SMC5: variants seen among roughly 807,000 people sequenced by gnomAD.
SMC5 encodes structural maintenance of chromosomes protein 5.
In SMC5, 88 loss-of-function variants were observed where a neutral mutation model predicts 148.3. That is an observed-to-expected ratio of 0.59 (90% CI 0.50 to 0.71). SMC5 has a LOEUF of 0.71. Ranked by LOEUF, SMC5 falls within the 30% of genes least tolerant of loss-of-function variation. The pLI is 0.00. For synonymous variants in SMC5, 421 were observed against 432.8 expected (o/e 0.97, Z 0.34); for missense variants, 1,142 against 1,298.9 (o/e 0.88, Z 1.86).
intron 7 of SMC5, among the ~76,000 whole-genome samples, chr9:70,283,758 G>T (rs780084459): frequency 6.6e-6 from 1 of 152,130 alleles, no homozygotes; most frequent in Non-Finnish European, 1.5e-5. Flanking sequence ...GCTATTGAAA[G>T]ATCATTTAGG....
In SMC5 at chr9:70,345,998, G is replaced by A. The variant is rs377379587; in HGVS notation, c.2524-607G>A. On this transcript the variant is annotated intron_variant, in intron 18 of 24. Coordinates refer to ENST00000361138, the MANE Select transcript of SMC5 (RefSeq NM_015110.4). ...GACTTGCTGATGGATTTGACATGAA[G>A]GATGAGAGAGAGAACCCCTAAATTT... Among the ~76,000 whole-genome samples, 3 of 152,148 alleles carry A rather than the reference G, an allele frequency of 2.0e-5. No individual in the cohort carries two copies. In the South Asian group the frequency reaches 6.2e-4, roughly 32 times the overall value.
chr9:70,319,391 C>G (rs2035891906), intron 15 of SMC5, among the ~76,000 whole-genome samples: 1 of 152,016 alleles, frequency 6.6e-6, no homozygotes. Flanking sequence ...TAGCTGTTTT[C>G]CAGACAAAAT....
At chr9:70,301,158 T>A (rs956731206) in intron 10 of SMC5, among the ~76,000 whole-genome samples, 4 of 152,164 alleles carry the variant, frequency 2.6e-5, no homozygotes, top group African/African-American at 7.2e-5. Context: ...CTGATGAGGA[T>A]TGAAAGAAAG....
At chr9:70,271,917 A>G (rs918259275) in intron 3 of SMC5, among the ~76,000 whole-genome samples, 3 of 152,248 alleles carry the variant, frequency 2.0e-5, no homozygotes, top group African/African-American at 7.2e-5. Flanking sequence ...TCAAGCCTGT[A>G]TTCATTGTAA....
chr9:70,266,381 G>C (rs1429063558), intron 2 of SMC5, among the ~76,000 whole-genome samples: 2 of 152,160 alleles, frequency 1.3e-5, no homozygotes, highest in Non-Finnish European at 2.9e-5. Flanking sequence ...AAAGATGAGA[G>C]AGTTGGAACA....
intron 5 of SMC5, among the ~76,000 whole-genome samples, chr9:70,279,869 G>A (rs2034703363): frequency 1.3e-5 from 2 of 151,604 alleles, no homozygotes. Context: ...AGGTTCAGGG[G>A]TACATGTGCA....
At chr9:70,302,756 T>C (rs2035393827) in intron 10 of SMC5, among the ~76,000 whole-genome samples, 1 of 152,126 alleles carries the variant, frequency 6.6e-6, no homozygotes, top group Non-Finnish European at 1.5e-5. Flanking sequence ...TGTATTACAC[T>C]TGGGAAAAAG....
rs182117455 is a variant in SMC5, at chr9:70,285,592, G to C, written c.982-608G>C. ...AACACTCCCAAAATCCAAATTTCCA[G>C]ACAACAACCAAGGACCGACCTTGCA... is the stretch of plus-strand genomic sequence containing the variant. On this transcript the variant is annotated intron_variant, in intron 7 of 24. Transcript: ENST00000361138. Among the ~76,000 whole-genome samples the C allele has an allele frequency of 3.3e-5, 5 of 152,292 alleles. No homozygotes were observed. The East Asian group carries it at 9.6e-4, about 29-fold the overall frequency.
chr9:70,345,298 G>C (rs1007352033), intron 18 of SMC5, among the ~76,000 whole-genome samples: 9 of 151,852 alleles, frequency 5.9e-5, no homozygotes, highest in African/African-American at 2.2e-4. Flanking sequence ...GTCAAGCATT[G>C]TACAAGACAG....
intron 11 of SMC5, 92 bp from the exon 12 acceptor site, chr9:70,314,650 C>T (rs964884249): frequency 1.9e-6 from 1 of 533,252 alleles, no homozygotes; most frequent in Non-Finnish European, 3.1e-6. Context: ...CTTATCCATC[C>T]CACGAATGCC....
At chr9:70,279,346 T>C (rs528332405) in intron 5 of SMC5, among the ~76,000 whole-genome samples, 1 of 152,174 alleles carries the variant, frequency 6.6e-6, no homozygotes, top group Admixed American at 6.5e-5. Context: ...AGACCCTGTC[T>C]CTACATGAAA....
chr9:70,301,317 A>C lies in SMC5; in HGVS notation c.1464+1117A>C, dbSNP rs572921238. On this transcript the variant is annotated intron_variant, in intron 10 of 24. Coordinates refer to ENST00000361138, the MANE Select transcript of SMC5 (RefSeq NM_015110.4). ...ATTTGGTTTTCTAATAGTAGCATAT[A>C]TCACCAAGTCAGATTAATAGCTGGC... Among the ~76,000 whole-genome samples, 4 of 152,352 alleles carry C rather than the reference A, an allele frequency of 2.6e-5. No homozygotes were observed. The East Asian group carries it at 7.7e-4, about 29-fold the overall frequency.
At position 70,354,061 on chromosome 9, in the gene SMC5, A is replaced by G. The variant is rs1587728588; in HGVS notation, c.*1730A>G. 1 of 152,346 alleles carries G rather than the reference A, an allele frequency of 6.6e-6. No homozygotes were observed. The highest frequency in any genetic ancestry group is 1.9e-4 in the East Asian group (1 of 5,192). 9.4% of individuals were successfully genotyped at this position (152,346 alleles called of 1,614,324 possible). A position where few individuals can be genotyped will look rare whatever the true frequency, so the allele number is the denominator to read the frequency against. On this transcript the variant is annotated 3_prime_UTR_variant, in exon 25 of 25. Transcript: ENST00000361138. ...TTACATAGGCCAACAACTGTTCCAT[A>G]CTTTGTTTGTAAACATTTAATTTCT...
chr9:70,318,668 A>G lies in SMC5; in HGVS notation c.1961A>G (p.His654Arg), dbSNP rs771659629. ...TVTVDLEQRR[H>R]LEEQLKEIHR... ...ACTGTGGACCTAGAGCAGAGAAGAC[A>G]CTTAGAAGAACAGCTAAAGGTTGGT... The change falls in exon 14 of 25, where the codon CAC becomes CGC. Residue 654 changes from histidine to arginine, a missense_variant. Physicochemically the swap from His to Arg is conservative, Grantham distance 29. Transcript: ENST00000361138. The G allele has an allele frequency of 6.2e-7, 1 of 1,600,416 alleles. No individual in the cohort carries two copies. Among genetic ancestry groups the G allele is most frequent in the Non-Finnish European group, 8.5e-7 (1 of 1,174,998 alleles).
intron 5 of SMC5, among the ~76,000 whole-genome samples, chr9:70,278,985 C>A (rs1170434617): frequency 6.6e-6 from 1 of 152,106 alleles, no homozygotes; most frequent in Non-Finnish European, 1.5e-5. Context: ...AGAAGAGATA[C>A]CATGTGCCAT....
chr9:70,268,995 G>T (rs996195882), intron 3 of SMC5, among the ~76,000 whole-genome samples: 1 of 152,098 alleles, frequency 6.6e-6, no homozygotes, highest in African/African-American at 2.4e-5. Flanking sequence ...TTTAGAGACT[G>T]TTGCTGTTGG....
At chr9:70,315,664 G>T in intron 13 of SMC5, 86 bp downstream of exon 13, 1 of 1,132,316 alleles carries the variant, frequency 8.8e-7, no homozygotes, top group Non-Finnish European at 1.2e-6. Flanking sequence ...AGCAAAACGT[G>T]TCAGAATTTA....
intron 8 of SMC5, among the ~76,000 whole-genome samples, chr9:70,287,711 T>A (rs1394618851): frequency 6.6e-6 from 1 of 152,192 alleles, no homozygotes; most frequent in Non-Finnish European, 1.5e-5. Context: ...GTTGTCAGTG[T>A]TATGTGCTTA....
At chr9:70,316,556 T>C (rs1321395590) in intron 13 of SMC5, among the ~76,000 whole-genome samples, 1 of 152,086 alleles carries the variant, frequency 6.6e-6, no homozygotes, top group African/African-American at 2.4e-5. Flanking sequence ...CTTAATTCAC[T>C]GAGGTTTAGA....
Sources: allele counts gnomAD v4.1 joint callset (sites outside exome capture counted in the v4.1 genomes callset), GRCh38; gene constraint gnomAD v4.1.1; transcripts MANE v1.5; gene names NCBI Gene and HGNC (gene_info 2026-07-23, HGNC 2026-07-21).